The following SCLT1 variants were observed in gnomAD, a reference collection of about 807,000 sequenced individuals.
SCLT1 encodes sodium channel and clathrin linker 1.
A neutral mutation model predicts 112.8 loss-of-function variants in SCLT1; 78 were observed. The observed-to-expected ratio is 0.69, with a 90% CI of 0.58 to 0.83. The LOEUF is 0.83. SCLT1 is among the 40% of genes least tolerant of loss of function. The probability of loss-of-function intolerance (pLI) is 0.00; values close to 1 mark genes in which losing one functional copy is unlikely to be tolerated. For synonymous variants in SCLT1, 257 were observed against 254.7 expected (o/e 1.01, Z -0.09); for missense variants, 747 against 770.4 (o/e 0.97, Z 0.36).
intron 18 of SCLT1, among the ~76,000 whole-genome samples, chr4:128,908,271 GT>G (rs997941554): frequency 1.3e-4 from 19 of 150,316 alleles, no homozygotes; most frequent in African/African-American, 3.9e-4. Flanking sequence ...TGTGCCAGAT[GT>G]TTTTTTCTTT....
intron 8 of SCLT1, among the ~76,000 whole-genome samples, chr4:128,995,126 G>A (rs1296742902): frequency 6.6e-6 from 1 of 152,004 alleles, no homozygotes; most frequent in Non-Finnish European, 1.5e-5. Flanking sequence ...TTTTCCCCTA[G>A]GTTTTCTTCT....
chr4:128,928,642 A>C (rs1383910239), intron 18 of SCLT1, among the ~76,000 whole-genome samples: 2 of 151,964 alleles, frequency 1.3e-5, no homozygotes, highest in Non-Finnish European at 2.9e-5. Flanking sequence ...GACCAGCCTG[A>C]CTAACATGGT....
In SCLT1 at chr4:129,027,409, A is replaced by G. The variant is rs149991113; in HGVS notation, c.290+11632T>C. ...AAGCTGGTTAAATATACGCAAATCA[A>G]TAACAAAGACAAAAACCACATGATT... On this transcript the variant is annotated intron_variant, in intron 5 of 20. Coordinates refer to ENST00000281142, the MANE Select transcript of SCLT1 (RefSeq NM_144643.4). 5.1e-3 allele frequency among the ~76,000 whole-genome samples: 764 copies of G among 150,106 alleles called. 9 individuals are homozygous for G. The highest frequency in any genetic ancestry group is 0.017 in the African/African-American group (697 of 41,296).
intron 2 of SCLT1, among the ~76,000 whole-genome samples, chr4:129,068,086 A>G (rs1750651906): frequency 6.6e-6 from 1 of 152,148 alleles, no homozygotes; most frequent in Admixed American, 6.6e-5. Flanking sequence ...CAGAACATAC[A>G]ATGTTTGGTT....
At chr4:128,929,046 A>C (rs563422056) in intron 18 of SCLT1, among the ~76,000 whole-genome samples, 1 of 152,218 alleles carries the variant, frequency 6.6e-6, no homozygotes, top group Non-Finnish European at 1.5e-5. Context: ...TAGCTAGTGC[A>C]ATAAGCAAGA....
intron 5 of SCLT1, among the ~76,000 whole-genome samples, chr4:129,030,903 G>A (rs1746658124): frequency 1.3e-5 from 2 of 152,022 alleles, no homozygotes; most frequent in South Asian, 2.1e-4. Flanking sequence ...GGGTGTAGAG[G>A]AGCTGGTAGC....
At chr4:129,067,023 C>T (rs866935612) in intron 2 of SCLT1, among the ~76,000 whole-genome samples, 14 of 152,036 alleles carry the variant, frequency 9.2e-5, no homozygotes, top group Middle Eastern at 3.4e-3. Context: ...AAATCTGAAA[C>T]AAATATGGCA....
At chr4:129,055,385 C>G (rs556668507) in intron 2 of SCLT1, among the ~76,000 whole-genome samples, 1 of 152,196 alleles carries the variant, frequency 6.6e-6, no homozygotes, top group Non-Finnish European at 1.5e-5. Context: ...CAACCACATT[C>G]GCCCCTTCTC....
intron 10 of SCLT1, among the ~76,000 whole-genome samples, chr4:128,970,117 T>C (rs1740562402): frequency 6.6e-6 from 1 of 152,226 alleles, no homozygotes; most frequent in Admixed American, 6.5e-5. Context: ...TGATCTTGTA[T>C]CAATTTGCGT....
chr4:128,939,231 T>C (rs1737473982), intron 17 of SCLT1, among the ~76,000 whole-genome samples: 1 of 152,216 alleles, frequency 6.6e-6, no homozygotes, highest in Non-Finnish European at 1.5e-5. Flanking sequence ...TATTCTTTGG[T>C]TCTTTTCACA....
intron 5 of SCLT1, among the ~76,000 whole-genome samples, chr4:129,019,357 A>G (rs939405672): frequency 6.6e-6 from 1 of 152,226 alleles, no homozygotes; most frequent in Admixed American, 6.5e-5. Flanking sequence ...TTTGTCTCCA[A>G]CAAAAGATGC....
intron 10 of SCLT1, among the ~76,000 whole-genome samples, chr4:128,967,601 C>T (rs1306177247): frequency 1.3e-5 from 2 of 152,134 alleles, no homozygotes; most frequent in Admixed American, 1.3e-4. Flanking sequence ...ATTTTTCTAA[C>T]TCATAGTGTT....
At chr4:128,922,775 G>A (rs1017579026) in intron 18 of SCLT1, among the ~76,000 whole-genome samples, 1 of 152,216 alleles carries the variant, frequency 6.6e-6, no homozygotes, top group African/African-American at 2.4e-5. Flanking sequence ...ACCTGCTCAT[G>A]TACCCATGAA....
At chr4:128,889,438 G>A (rs1337178697) in intron 19 of SCLT1, among the ~76,000 whole-genome samples, 4 of 152,176 alleles carry the variant, frequency 2.6e-5, no homozygotes, top group Non-Finnish European at 1.5e-5. Flanking sequence ...GAATGTCTGA[G>A]GCTACCAGAA....
chr4:128,934,974 T>C (rs1275634551), intron 18 of SCLT1, among the ~76,000 whole-genome samples: 1 of 151,992 alleles, frequency 6.6e-6, no homozygotes, highest in Non-Finnish European at 1.5e-5. Context: ...ATTAAGGAAA[T>C]TCTATTCCTA....
chr4:129,048,815 C>T (rs556163963), intron 2 of SCLT1, among the ~76,000 whole-genome samples: 2,520 of 152,040 alleles, frequency 0.017, 78 homozygotes, highest in African/African-American at 0.058. Flanking sequence ...AAAAAGTGGG[C>T]AAAGGATATG....
At chr4:128,954,064 T>A (rs1402018028) in intron 13 of SCLT1, among the ~76,000 whole-genome samples, 1 of 152,058 alleles carries the variant, frequency 6.6e-6, no homozygotes, top group Non-Finnish European at 1.5e-5. Flanking sequence ...GCTATGACAA[T>A]AAATTTTTCT....
Position 129,003,743 on chromosome 4 carries a change from G to A in SCLT1, c.424C>T (p.Gln142Ter). 1 of 1,598,432 alleles carries A rather than the reference G, an allele frequency of 6.3e-7. No individual in the cohort carries two copies. The highest frequency in any genetic ancestry group is 8.5e-7 in the Non-Finnish European group (1 of 1,174,052). The change falls in exon 6 of 21, where the codon CAA (glutamine) becomes TAA (stop). Residue 142 changes from glutamine (Q) to a stop codon, truncating the protein, a stop_gained and splice_region_variant. Coordinates refer to ENST00000281142, the MANE Select transcript of SCLT1 (RefSeq NM_144643.4). LOFTEE classifies it high-confidence loss of function. ...TTTTAAAAATACATGTCACTCACTT[G>A]ATTGGCTAGCTGCAATTGTTCTTGA... The part of the protein sequence containing the change: ...NLQEQLQLAN[Q>*]EKTQAVELWQ...
At chr4:129,057,583 G>A (rs920159318) in intron 2 of SCLT1, among the ~76,000 whole-genome samples, 5 of 139,706 alleles carry the variant, frequency 3.6e-5, no homozygotes, top group African/African-American at 1.3e-4. Context: ...AAGACTTTTT[G>A]TTACAGACTC....
Sources: allele counts gnomAD v4.1 joint callset (sites outside exome capture counted in the v4.1 genomes callset), GRCh38; gene constraint gnomAD v4.1.1; transcripts MANE v1.5; gene names NCBI Gene and HGNC (gene_info 2026-07-23, HGNC 2026-07-21).